The following NIT1 variants were observed in gnomAD, a reference collection of about 807,000 sequenced individuals.
NIT1 encodes deaminated glutathione amidase.
A neutral mutation model predicts 36.8 loss-of-function variants in NIT1; 30 were observed. The ratio of observed to expected loss-of-function variants is 0.82; its 90% CI spans 0.61 to 1.11. The LOEUF is 1.11. Ranked by LOEUF, NIT1 falls within the 50% of genes least tolerant of loss-of-function variation. The pLI, the probability that NIT1 is intolerant of heterozygous loss-of-function variation, is 0.00. For missense variants in NIT1, 438 were observed against 410.6 expected (o/e 1.07, Z -0.58); for synonymous variants, 151 against 155.6 (o/e 0.97, Z 0.22).
At chr1:161,123,635 CAAAAA>C (rs35678373), downstream of NIT1, among the ~76,000 whole-genome samples, 1 of 88,930 alleles carries the variant, frequency 1.1e-5, no homozygotes, top group South Asian at 3.8e-4. Context: ...GACTCTGTCT[CAAAAA>C]AAAAAAAAAA....
chr1:161,119,688 C>G lies in NIT1; in HGVS notation c.457+76C>G, dbSNP rs1388683653. ...GATTCTCCAGAATTGTTTCTCAACT[C>G]TTATTTCCTTGACCCAAGGATTTAG... On this transcript the variant is annotated intron_variant, in intron 4 of 6. Coordinates refer to ENST00000368009, the MANE Select transcript of NIT1 (RefSeq NM_005600.3). 3.1e-6 allele frequency: 5 copies of G among 1,587,480 alleles called. No individual in the cohort carries two copies. In the East Asian group the frequency reaches 6.7e-5, roughly 21 times the overall value.
At chr1:161,123,289 A>G (rs1571219680), downstream of NIT1, 1 of 1,441,242 alleles carries the variant, frequency 6.9e-7, no homozygotes, top group East Asian at 2.3e-5. Context: ...CTTCTGTTGG[A>G]ATGAGGAAGG....
downstream of NIT1, chr1:161,124,439 T>C: frequency 6.2e-7 from 1 of 1,604,354 alleles, no homozygotes; most frequent in South Asian, 1.1e-5. Context: ...ACACCTGGCT[T>C]GCCCGCCGCT....
chr1:161,118,163 T>G lies in NIT1; in HGVS notation c.-14T>G. Reference sequence around the variant, plus strand: ...TCCGGATCGGACCCTGCGAATGGTTTTGGCTATATCTTCATGTAGGACCTA... The same window carrying G: ...TCCGGATCGGACCCTGCGAATGGTTGTGGCTATATCTTCATGTAGGACCTA... On this transcript the variant is annotated 5_prime_UTR_variant, in exon 1 of 7. Coordinates refer to ENST00000368009, the MANE Select transcript of NIT1 (RefSeq NM_005600.3). 1 of 1,614,064 alleles carries G rather than the reference T, an allele frequency of 6.2e-7. No individual in the cohort carries two copies. The highest frequency in any genetic ancestry group is 8.5e-7 in the Non-Finnish European group (1 of 1,179,940).
chr1:161,122,646 C>T, downstream of NIT1: 2 of 1,239,950 alleles, frequency 1.6e-6, no homozygotes, highest in Non-Finnish European at 2.2e-6. This position sits in a 1 kb window ranked among gnomAD's most constrained non-coding sequence, Gnocchi z 4.2. Context: ...GACAGCTTCT[C>T]TACCTCTTCC....
At chr1:161,123,879 G>A (rs776189817), downstream of NIT1, 10 of 1,614,098 alleles carry the variant, frequency 6.2e-6, no homozygotes, top group Admixed American at 1.7e-5. Context: ...CTGGATCACT[G>A]AGGGCTCTGG....
chr1:161,123,038 A>T (rs201370857), downstream of NIT1: 294 of 1,614,188 alleles, frequency 1.8e-4, no homozygotes, highest in East Asian at 6.5e-3. Context: ...TTCTCCTTCA[A>T]GTCTGCTCCA....
chr1:161,124,108 C>T, downstream of NIT1: 1 of 1,596,026 alleles, frequency 6.3e-7, no homozygotes, highest in Non-Finnish European at 8.6e-7. Flanking sequence ...CACAACTCTT[C>T]CCTGATTCCA....
At chr1:161,120,409 C>T in intron 6 of NIT1, 90 bp from the exon 7 acceptor site, 1 of 1,484,058 alleles carries the variant, frequency 6.7e-7, no homozygotes, top group East Asian at 2.3e-5. Flanking sequence ...AAAATAGTCA[C>T]AATGGGTAGA....
chr1:161,124,235 G>A (rs752735474), downstream of NIT1: 4 of 1,614,246 alleles, frequency 2.5e-6, no homozygotes, highest in Non-Finnish European at 3.4e-6. Context: ...TTTCATCACA[G>A]CGGCCCTGGC....
chr1:161,119,145 T>C lies in NIT1; in HGVS notation c.110T>C (p.Met37Thr), dbSNP rs1346226798. ...VLCAQPRPRA[M>T]AISSSSCELP... ...TATGCTGTTCACAGGCCCAGAGCCA[T>C]GGCTATCTCCTCTTCCTCCTGCGAA... Residue 37 changes from methionine to threonine, a missense_variant, in exon 3 of 7, where the codon ATG (methionine) becomes ACG (threonine). Transcript: ENST00000368009. The C allele has an allele frequency of 6.2e-7, 1 of 1,613,672 alleles. No homozygotes were observed. Among genetic ancestry groups the C allele is most frequent in the Non-Finnish European group, 8.5e-7 (1 of 1,180,038 alleles).
intron 5 of NIT1, 73 bp from the exon 6 acceptor site, chr1:161,120,034 G>A: frequency 1.2e-6 from 2 of 1,608,618 alleles, no homozygotes; most frequent in South Asian, 2.2e-5. Flanking sequence ...AAGAGAGGGG[G>A]TAATGGAAAT....
In NIT1 at chr1:161,120,238, A is replaced by G; in HGVS notation, c.717+6A>G. ...CAGGCCCAGCCCACTGGGAGGTAAG[A>G]TGATGCCTTTTTAAAACATAAGGGC... is the stretch of plus-strand genomic sequence containing the variant. On this transcript the variant is annotated splice_donor_region_variant and intron_variant, in intron 6 of 6. Transcript: ENST00000368009. The G allele has an allele frequency of 6.2e-7, 1 of 1,613,886 alleles. No homozygotes were observed. The highest frequency in any genetic ancestry group is 1.7e-5 in the Admixed American group (1 of 60,004).
chr1:161,122,306 GC>G, downstream of NIT1: 1 of 1,614,226 alleles, frequency 6.2e-7, no homozygotes, highest in Non-Finnish European at 8.5e-7. The surrounding 1 kb of genome is among the most constrained non-coding windows in gnomAD (Gnocchi z 4.2). Flanking sequence ...CTAATAAAGA[GC>G]CATTGATGTA....
downstream of NIT1, chr1:161,122,059 T>C (rs556063231): frequency 7.6e-6 from 11 of 1,450,262 alleles, no homozygotes; most frequent in African/African-American, 8.6e-5. The surrounding 1 kb of genome is among the most constrained non-coding windows in gnomAD (Gnocchi z 4.2). Flanking sequence ...GTGTGATTGG[T>C]TGGAAGGGTA....
rs1246585274 is a variant in NIT1 at position 161,120,754 on chromosome 1, CCACT to C, written c.974_977del (p.Pro325ArgfsTer5). ...TGACCTCTATGGCAATCTGGGTCACCCACTGTCTTAAGACTTGACTTCTGTGAGT... is the reference window on the plus strand; with the variant it reads ...TGACCTCTATGGCAATCTGGGTCACCGTCTTAAGACTTGACTTCTGTGAGT... On this transcript the variant is annotated frameshift_variant, in exon 7 of 7. Transcript: ENST00000368009. LOFTEE classifies it high-confidence loss of function. The C allele has an allele frequency of 1.9e-5, 31 of 1,613,162 alleles. No individual in the cohort carries two copies. The highest frequency in any genetic ancestry group is 2.4e-5 in the Non-Finnish European group (28 of 1,180,016).
At chr1:161,123,488 T>C (rs917690743), downstream of NIT1, among the ~76,000 whole-genome samples, 1 of 151,900 alleles carries the variant, frequency 6.6e-6, no homozygotes, top group Non-Finnish European at 1.5e-5. Flanking sequence ...TACAAAAAAT[T>C]AGCTGGGCGT....
At chr1:161,125,332 C>T (rs1018481035), downstream of NIT1, 1 of 152,072 alleles carries the variant, frequency 6.6e-6, no homozygotes, top group East Asian at 1.9e-4. Flanking sequence ...CAGAATCATC[C>T]CTCCACATTT....
downstream of NIT1, chr1:161,121,251 G>T (rs1036847619): frequency 1.1e-6 from 1 of 930,200 alleles, no homozygotes; most frequent in Non-Finnish European, 1.3e-6. Context: ...AGTGGAGGAG[G>T]GGGAAGGAAA....
Sources: allele counts gnomAD v4.1 joint callset (sites outside exome capture counted in the v4.1 genomes callset), GRCh38; gene constraint gnomAD v4.1.1; non-coding constraint Gnocchi (gnomAD v3.1); transcripts MANE v1.5; gene names NCBI Gene and HGNC (gene_info 2026-07-23, HGNC 2026-07-21).